Variants in CPLANE1 observed in about 807,000 individuals in gnomAD.
The protein encoded by CPLANE1 is ciliogenesis and planar polarity effector complex subunit 1.
Under a neutral mutation model 362.5 loss-of-function variants are expected in CPLANE1, and 263 were observed. The observed-to-expected ratio is 0.73, with a 90% confidence interval of 0.66 to 0.80. The LOEUF (loss-of-function observed/expected upper bound fraction) is 0.80, where lower values mean the gene tolerates loss of function less well. Among genes scored for constraint, CPLANE1 ranks in the 30% least tolerant of loss-of-function variants. The pLI is 0.00. For synonymous variants in CPLANE1, 1,212 were observed against 1,302.6 expected (o/e 0.93, Z 1.50); for missense variants, 3,461 against 3,793.4 (o/e 0.91, Z 2.30).
intron 15 of CPLANE1, 129 bp downstream of exon 15, chr5:37,221,195 G>A (rs1795279021): frequency 1.8e-6 from 1 of 542,502 alleles, no homozygotes; most frequent in South Asian, 3.2e-5. Flanking sequence ...ACTGCATTCT[G>A]TAGTCCTAGC....
At chr5:37,215,588 T>C (rs775171184) in intron 15 of CPLANE1, among the ~76,000 whole-genome samples, 1 of 152,112 alleles carries the variant, frequency 6.6e-6, no homozygotes, top group Non-Finnish European at 1.5e-5. Flanking sequence ...TGGTCAACTG[T>C]AGTTAGTAAT....
intron 8 of CPLANE1, among the ~76,000 whole-genome samples, chr5:37,233,062 G>C (rs1798107885): frequency 6.6e-6 from 1 of 152,140 alleles, no homozygotes; most frequent in African/African-American, 2.4e-5. Flanking sequence ...ACCTCTGAGT[G>C]GGAGAAACCC....
intron 46 of CPLANE1, among the ~76,000 whole-genome samples, chr5:37,128,854 A>G: frequency 6.6e-6 from 1 of 150,638 alleles, no homozygotes; most frequent in South Asian, 2.1e-4. Flanking sequence ...GTCAAAAAAA[A>G]CCAAAAAAAA....
intron 34 of CPLANE1, 110 bp from the exon 35 acceptor site, chr5:37,167,323 G>C: frequency 1.2e-6 from 1 of 807,826 alleles, no homozygotes; most frequent in Non-Finnish European, 1.9e-6. Context: ...CTGTGCAACA[G>C]TTAGAACAAA....
chr5:37,110,974 A>G (rs1759084809), intron 51 of CPLANE1, among the ~76,000 whole-genome samples: 2 of 148,734 alleles, frequency 1.3e-5, no homozygotes, highest in South Asian at 4.3e-4. Flanking sequence ...CACCCGGCTA[A>G]TTTTTTGTAT....
At chr5:37,150,542 A>ACC (rs1242440133) in intron 42 of CPLANE1, among the ~76,000 whole-genome samples, 1 of 151,036 alleles carries the variant, frequency 6.6e-6, no homozygotes, top group Non-Finnish European at 1.5e-5. Context: ...ACACACACAC[A>ACC]ACTCCTCCTC....
At chr5:37,177,589 G>A (rs751255758) in intron 30 of CPLANE1, 32 bp downstream of exon 30, 3 of 1,508,352 alleles carry the variant, frequency 2.0e-6, no homozygotes, top group Non-Finnish European at 1.8e-6. Context: ...GGTAACCAGT[G>A]ACAATCACTG....
the CPLANE1 span, among the ~76,000 whole-genome samples, chr5:37,095,247 G>A: frequency 1.3e-4 from 20 of 152,272 alleles, no homozygotes; most frequent in Non-Finnish European, 1.8e-4. Context: ...GATCAAGTGG[G>A]TTTCATACCA....
intron 47 of CPLANE1, among the ~76,000 whole-genome samples, chr5:37,123,257 A>G (rs1763156581): frequency 6.6e-6 from 1 of 152,236 alleles, no homozygotes; most frequent in Non-Finnish European, 1.5e-5. Flanking sequence ...ATTAAGAACT[A>G]TTGGTGTGAG....
At chr5:37,244,354 A>C in intron 5 of CPLANE1, 21 bp downstream of exon 5, 1 of 1,496,616 alleles carries the variant, frequency 6.7e-7, no homozygotes, top group Non-Finnish European at 9.0e-7. Flanking sequence ...TTCACAGATA[A>C]GAGTCTGAGA....
intron 30 of CPLANE1, among the ~76,000 whole-genome samples, chr5:37,177,053 TG>T (rs1781378668): frequency 6.6e-6 from 1 of 152,158 alleles, no homozygotes; most frequent in East Asian, 1.9e-4. Flanking sequence ...CCACCACGCC[TG>T]GCCATGTTGC....
chr5:37,162,443 T>A (rs781620615), intron 38 of CPLANE1, 22 bp downstream of exon 38: 26 of 1,472,062 alleles, frequency 1.8e-5, no homozygotes, highest in African/African-American at 1.1e-4. Flanking sequence ...TGAATTTTTT[T>A]AAAAAGTAAA....
intron 44 of CPLANE1, chr5:37,141,594 G>A: frequency 3.1e-6 from 3 of 959,586 alleles, no homozygotes; most frequent in Non-Finnish European, 3.7e-6. Flanking sequence ...CATTTTTACT[G>A]TTTATATCAC....
intron 32 of CPLANE1, among the ~76,000 whole-genome samples, chr5:37,173,535 C>T (rs1780362060): frequency 6.6e-6 from 1 of 152,032 alleles, no homozygotes; most frequent in Non-Finnish European, 1.5e-5. Flanking sequence ...AAACTCCTGG[C>T]CTCAAGCAAT....
the CPLANE1 span, chr5:37,085,678 C>G: frequency 6.2e-6 from 7 of 1,121,766 alleles, no homozygotes; most frequent in Non-Finnish European, 8.2e-6. Context: ...GATCTTTTGA[C>G]GTGGTTCACA....
At position 37,125,529 on chromosome 5, in the gene CPLANE1, A is replaced by G. The variant is rs1351761549; in HGVS notation, c.8793-120T>C. 3 of 890,256 alleles carry G rather than the reference A, an allele frequency of 3.4e-6. No individual in the cohort carries two copies. The East Asian group carries it at 7.9e-5, about 23-fold the overall frequency. 55.1% of individuals were successfully genotyped at this position (890,256 alleles called of 1,614,324 possible). A position where few individuals can be genotyped will look rare whatever the true frequency, so the allele number is the denominator to read the frequency against. ...TGCCCCATCTTCAAAAGTAGTATAT[A>G]CTTATGTTCTCTAGTCAACTCACTC... On this transcript the variant is annotated intron_variant, in intron 46 of 52. Transcript: ENST00000651892.
At chr5:37,160,312 T>C (rs1776488140) in intron 38 of CPLANE1, among the ~76,000 whole-genome samples, 1 of 152,152 alleles carries the variant, frequency 6.6e-6, no homozygotes, top group South Asian at 2.1e-4. Context: ...CCCAGCACTT[T>C]GGGAGGCCGA....
Position 37,169,449 on chromosome 5 carries a change from G to T in CPLANE1, c.6575C>A (p.Ala2192Asp). 1 of 1,614,216 alleles carries T rather than the reference G, an allele frequency of 6.2e-7. No homozygotes were observed. Among genetic ancestry groups the T allele is most frequent in the Non-Finnish European group, 8.5e-7 (1 of 1,180,042 alleles). ...LPSTSFYPAP[A>D]GNTHLYLLST... is the part of the protein sequence containing the mutation. ...CAAAAGGTAGAGGTGAGTATTTCCA[G>T]CAGGAGCTGGATAAAACGAAGTGGA... The change falls in exon 34 of 53, where the codon GCT becomes GAT. Residue 2192 changes from alanine (A) to aspartate (D), a missense_variant. Coordinates refer to ENST00000651892, the MANE Select transcript of CPLANE1 (RefSeq NM_001384732.1).
intron 8 of CPLANE1, 46 bp from the exon 9 acceptor site, chr5:37,231,095 T>C: frequency 7.4e-7 from 1 of 1,355,084 alleles, no homozygotes; most frequent in African/African-American, 1.5e-5. Flanking sequence ...TACTTTACAA[T>C]GTCTATGACG....
Sources: allele counts gnomAD v4.1 joint callset (sites outside exome capture counted in the v4.1 genomes callset), GRCh38; gene constraint gnomAD v4.1.1; transcripts MANE v1.5; gene names NCBI Gene and HGNC (gene_info 2026-07-23, HGNC 2026-07-21).